Variants in PRKAR1A observed in about 807,000 individuals in gnomAD.
PRKAR1A encodes the protein protein kinase cAMP-dependent type I regulatory subunit alpha.
A neutral mutation model predicts 52.0 loss-of-function variants in PRKAR1A; 3 were observed. The ratio of observed to expected loss-of-function variants is 0.06; its 90% CI spans 0.03 to 0.15. The LOEUF is 0.15. Ranked by LOEUF, PRKAR1A falls within the 10% of genes least tolerant of loss-of-function variation. The pLI is 1.00. For synonymous variants in PRKAR1A, 188 were observed against 168.4 expected (o/e 1.12, Z -0.90); for missense variants, 240 against 477.4 (o/e 0.50, Z 4.63).
In PRKAR1A at chr17:68,546,405, C is replaced by T. The variant is rs552835137; in HGVS notation, c.974-4679C>T. 2.0e-5 allele frequency among the ~76,000 whole-genome samples: 3 copies of T among 152,088 alleles called. No individual in the cohort carries two copies. In the East Asian group the frequency reaches 5.8e-4, roughly 29 times the overall value. ...ATGTTGATATTTTTACCTCCTTCCACGCATCACAAATTTTCTTAATGGCAT... is the reference window on the plus strand; with the variant it reads ...ATGTTGATATTTTTACCTCCTTCCATGCATCACAAATTTTCTTAATGGCAT... On this transcript the variant is annotated intron_variant, in intron 11 of 11. Transcript: ENST00000585981.
At chr17:68,486,451 C>CTCTTTCTT in the PRKAR1A span, among the ~76,000 whole-genome samples, 2 of 120,236 alleles carry the variant, frequency 1.7e-5, no homozygotes, top group Non-Finnish European at 3.4e-5. Flanking sequence ...CCTTCCTTCC[C>CTCTTTCTT]TCTTTCTTTC....
chr17:68,515,967 A>G (rs1035958432), intron 2 of PRKAR1A, among the ~76,000 whole-genome samples: 1 of 152,232 alleles, frequency 6.6e-6, no homozygotes, highest in Non-Finnish European at 1.5e-5. Flanking sequence ...AAGTAAGCGT[A>G]GTAAATCTTA....
At chr17:68,522,651 G>A in intron 2 of PRKAR1A, 105 bp from the exon 3 acceptor site, 1 of 1,266,684 alleles carries the variant, frequency 7.9e-7, no homozygotes, top group Non-Finnish European at 1.1e-6. Context: ...CATTGTTAAT[G>A]GAAGAAGAGA....
At chr17:68,477,665 C>T in the PRKAR1A span, among the ~76,000 whole-genome samples, 2 of 151,002 alleles carry the variant, frequency 1.3e-5, no homozygotes, top group African/African-American at 2.4e-5. Flanking sequence ...CTCCTATGTT[C>T]GATCTAATGC....
At chr17:68,425,964 A>AGTT in the PRKAR1A span, 1 of 786,368 alleles carries the variant, frequency 1.3e-6, no homozygotes, top group East Asian at 2.5e-5. Context: ...GCAGAGAATT[A>AGTT]GTTGTTATAG....
intron 3 of PRKAR1A, 66 bp downstream of exon 3, chr17:68,522,992 T>A: frequency 6.4e-7 from 1 of 1,568,212 alleles, no homozygotes; most frequent in Middle Eastern, 1.9e-4. Flanking sequence ...TCTAGTCTCC[T>A]TTGATGAATG....
the PRKAR1A span, chr17:68,420,595 C>CATAT: frequency 4.7e-6 from 5 of 1,073,036 alleles, no homozygotes; most frequent in Admixed American, 6.5e-5. Flanking sequence ...GTTAGCCTTG[C>CATAT]ATATCCCTTC....
intron 3 of PRKAR1A, among the ~76,000 whole-genome samples, chr17:68,523,189 G>T (rs750086609): frequency 6.6e-6 from 1 of 152,138 alleles, no homozygotes; most frequent in Non-Finnish European, 1.5e-5. Flanking sequence ...GAGGTGGGCG[G>T]TATTGCTTTT....
At chr17:68,436,257 A>G in the PRKAR1A span, 1 of 799,458 alleles carries the variant, frequency 1.3e-6, no homozygotes, top group Non-Finnish European at 2.1e-6. Context: ...CTCTTGAACA[A>G]CTCCCCAGTA....
At chr17:68,458,098 G>T in the PRKAR1A span, among the ~76,000 whole-genome samples, 1 of 151,838 alleles carries the variant, frequency 6.6e-6, no homozygotes, top group Non-Finnish European at 1.5e-5. Flanking sequence ...TCCTCAAGCC[G>T]CATTGAGAGA....
Position 68,530,966 on chromosome 17 carries a change from A to G in PRKAR1A, c.*517A>G. 5 of 1,080,418 alleles carry G rather than the reference A, an allele frequency of 4.6e-6. No individual in the cohort carries two copies. The highest frequency in any genetic ancestry group is 1.6e-5 in the African/African-American group (1 of 61,442). 66.9% of individuals were successfully genotyped at this position (1,080,418 alleles called of 1,614,324 possible). ...AAAGACATCTGCCTGTAATTAAACT[A>G]GTTTAAGGGTGGAAAAATGCCCATT... is the stretch of plus-strand genomic sequence containing the variant. On this transcript the variant is annotated 3_prime_UTR_variant, in exon 11 of 11. Coordinates refer to ENST00000589228, the MANE Select transcript of PRKAR1A (RefSeq NM_002734.5).
chr17:68,466,387 A>G, the PRKAR1A span, among the ~76,000 whole-genome samples: 1 of 146,810 alleles, frequency 6.8e-6, no homozygotes, highest in Admixed American at 6.8e-5. Flanking sequence ...TTGTATTGAA[A>G]TGTTATTTAT....
chr17:68,542,325 G>C (rs558294201), intron 11 of PRKAR1A, among the ~76,000 whole-genome samples: 1 of 152,282 alleles, frequency 6.6e-6, no homozygotes, highest in African/African-American at 2.4e-5. Flanking sequence ...AGAAGTGAGG[G>C]TGTGAATGCT....
At chr17:68,539,870 C>G (rs2086211961) in intron 11 of PRKAR1A, 6 of 1,612,930 alleles carry the variant, frequency 3.7e-6, no homozygotes, top group Non-Finnish European at 5.1e-6. Flanking sequence ...GTTGAACACA[C>G]GTGGGGAAGC....
rs1311440756 is a variant in PRKAR1A at position 68,531,764 on chromosome 17, AT to A, written c.*1319del. ...TATTGAGTCTTAACTGTATTTCAGT[AT>A]TTTCCAGCCTTATGTGTTACATTAT... is the stretch of plus-strand genomic sequence containing the variant. On this transcript the variant is annotated 3_prime_UTR_variant, in exon 11 of 11. Transcript: ENST00000589228. 4 of 1,044,580 alleles carry A rather than the reference AT, an allele frequency of 3.8e-6. No individual in the cohort carries two copies. The African/African-American group carries it at 6.6e-5, about 17-fold the overall frequency. 64.7% of individuals were successfully genotyped at this position (1,044,580 alleles called of 1,614,324 possible).
the PRKAR1A span, among the ~76,000 whole-genome samples, chr17:68,470,836 G>A: frequency 0.11 from 16,200 of 152,184 alleles, 1,212 homozygotes; most frequent in Non-Finnish European, 0.17. Flanking sequence ...AGAAATGGAG[G>A]CTCAGAAAAC....
downstream of PRKAR1A, chr17:68,533,532 A>G (rs2086033445): frequency 1.5e-6 from 1 of 684,222 alleles, no homozygotes; most frequent in South Asian, 6.8e-5. Flanking sequence ...TGATTTAAAT[A>G]TTGACATTTA....
At chr17:68,453,081 C>A in the PRKAR1A span, 2 of 1,007,600 alleles carry the variant, frequency 2.0e-6, no homozygotes, top group South Asian at 1.3e-5. Context: ...CCCCTAGCCT[C>A]AGGGGTACAG....
At chr17:68,522,469 A>G (rs1041682284) in intron 2 of PRKAR1A, among the ~76,000 whole-genome samples, 1 of 152,196 alleles carries the variant, frequency 6.6e-6, no homozygotes, top group African/African-American at 2.4e-5. Context: ...ACATTAATGA[A>G]TATCTGATTT....
Sources: allele counts gnomAD v4.1 joint callset (sites outside exome capture counted in the v4.1 genomes callset), GRCh38; gene constraint gnomAD v4.1.1; transcripts MANE v1.5; gene names NCBI Gene and HGNC (gene_info 2026-07-23, HGNC 2026-07-21).